Variants in KIFAP3 observed in about 807,000 individuals in gnomAD.
KIFAP3 encodes kinesin associated protein 3.
A neutral mutation model predicts 106.5 loss-of-function variants in KIFAP3; 68 were observed. The ratio of observed to expected loss-of-function variants is 0.64; its 90% CI spans 0.53 to 0.78. KIFAP3 has a LOEUF of 0.78. KIFAP3 is among the 30% of genes least tolerant of loss of function. The pLI, the probability that KIFAP3 is intolerant of heterozygous loss-of-function variation, is 0.00. For missense variants in KIFAP3, 780 were observed against 941.8 expected, an observed-to-expected ratio of 0.83 and a Z score of 2.25; for synonymous variants, 320 against 311.5, an observed-to-expected ratio of 1.03 and a Z score of -0.29.
At chr1:170,065,037 T>C (rs1671365936) in intron 1 of KIFAP3, among the ~76,000 whole-genome samples, 1 of 152,194 alleles carries the variant, frequency 6.6e-6, no homozygotes, top group South Asian at 2.1e-4. Flanking sequence ...GGAAGAGTTG[T>C]ACATAATTGG....
At chr1:169,976,966 G>A (rs1209978069) in intron 16 of KIFAP3, among the ~76,000 whole-genome samples, 2 of 151,972 alleles carry the variant, frequency 1.3e-5, no homozygotes, top group Non-Finnish European at 2.9e-5. Flanking sequence ...CTCAAGTGAT[G>A]CTCCCACCTC....
chr1:170,052,436 T>C (rs1354524662), intron 2 of KIFAP3, among the ~76,000 whole-genome samples: 1 of 152,190 alleles, frequency 6.6e-6, no homozygotes, highest in Non-Finnish European at 1.5e-5. Context: ...GGTACCATTA[T>C]TTCTGAAACT....
At chr1:170,041,196 C>G (rs16862985) in intron 3 of KIFAP3, among the ~76,000 whole-genome samples, 1 of 152,062 alleles carries the variant, frequency 6.6e-6, no homozygotes, top group African/African-American at 2.4e-5. Flanking sequence ...ATGTTAGATA[C>G]TGTATTCACA....
upstream of KIFAP3, chr1:170,074,836 G>A: frequency 1.1e-6 from 1 of 943,834 alleles, no homozygotes; most frequent in Non-Finnish European, 1.3e-6. Flanking sequence ...CCGTGTATAA[G>A]GAGTGGCTCC....
At chr1:170,065,608 C>G (rs1013029696) in intron 1 of KIFAP3, among the ~76,000 whole-genome samples, 2 of 112,696 alleles carry the variant, frequency 1.8e-5, no homozygotes, top group African/African-American at 7.3e-5. Context: ...AGCAAGACTC[C>G]ACCTCAAAAA....
At chr1:169,933,570 C>T (rs957882583) in intron 19 of KIFAP3, among the ~76,000 whole-genome samples, 2 of 152,050 alleles carry the variant, frequency 1.3e-5, no homozygotes, top group African/African-American at 2.4e-5. Flanking sequence ...CCTTTGGTCA[C>T]ACTTTGCATT....
rs768467470 is a variant in KIFAP3 at position 170,034,464 on chromosome 1, T to C, written c.650A>G (p.Tyr217Cys). 4.6e-6 allele frequency: 7 copies of C among 1,517,786 alleles called. No homozygotes were observed. The East Asian group carries it at 1.6e-4, about 35-fold the overall frequency. 94.0% of individuals were successfully genotyped at this position (1,517,786 alleles called of 1,614,324 possible). ...FSQFHGLITH[Y>C]KIGALCMNII... ...ATTCATACACAGAGCTCCAATTTTATAGTGAGTAATAAGTCCATGAAATTG... is the reference window on the plus strand; with the variant it reads ...ATTCATACACAGAGCTCCAATTTTACAGTGAGTAATAAGTCCATGAAATTG... The change falls in exon 7 of 20, where the codon TAT becomes TGT. Residue 217 changes from tyrosine to cysteine, a missense_variant. By Grantham distance (194) the Tyr-to-Cys change is radical. This residue lies in a region of KIFAP3 where 588 missense variants were observed against 678.9 expected (regional missense o/e 0.87). Coordinates refer to ENST00000361580, the MANE Select transcript of KIFAP3 (RefSeq NM_014970.4).
At chr1:170,031,257 C>T (rs1669394247) in intron 8 of KIFAP3, among the ~76,000 whole-genome samples, 2 of 151,690 alleles carry the variant, frequency 1.3e-5, no homozygotes, top group African/African-American at 4.8e-5. Context: ...AAAATTGCTA[C>T]TAATCTTCAC....
At chr1:170,067,171 T>C (rs1671488336) in intron 1 of KIFAP3, among the ~76,000 whole-genome samples, 1 of 152,008 alleles carries the variant, frequency 6.6e-6, no homozygotes, top group South Asian at 2.1e-4. Flanking sequence ...GACAAAAAGA[T>C]GTAAAACACA....
intron 1 of KIFAP3, among the ~76,000 whole-genome samples, chr1:170,069,194 T>G (rs1671586802): frequency 1.3e-5 from 2 of 152,038 alleles, no homozygotes; most frequent in African/African-American, 4.8e-5. Flanking sequence ...TGAACAGAAT[T>G]AGAAGTAAGG....
At chr1:170,069,581 G>A (rs1671601803) in intron 1 of KIFAP3, among the ~76,000 whole-genome samples, 2 of 152,040 alleles carry the variant, frequency 1.3e-5, no homozygotes, top group African/African-American at 2.4e-5. Flanking sequence ...TATCTCAATC[G>A]ATGCAGAAAA....
intron 1 of KIFAP3, among the ~76,000 whole-genome samples, chr1:170,070,125 C>T (rs999014594): frequency 6.6e-6 from 1 of 151,954 alleles, no homozygotes; most frequent in Non-Finnish European, 1.5e-5. Flanking sequence ...CAACTGTATA[C>T]TGAAAACAAA....
At chr1:170,001,942 A>G (rs1667689200) in intron 10 of KIFAP3, among the ~76,000 whole-genome samples, 1 of 152,180 alleles carries the variant, frequency 6.6e-6, no homozygotes, top group African/African-American at 2.4e-5. Flanking sequence ...ATATTAATAT[A>G]AAGTAAATAA....
intron 10 of KIFAP3, among the ~76,000 whole-genome samples, chr1:170,016,141 T>C (rs1481208068): frequency 6.6e-6 from 1 of 152,178 alleles, no homozygotes; most frequent in African/African-American, 2.4e-5. Flanking sequence ...CCTGCGTTGT[T>C]TTTTTTAAGA....
intron 19 of KIFAP3, among the ~76,000 whole-genome samples, chr1:169,932,467 A>G (rs1488372477): frequency 6.6e-6 from 1 of 152,160 alleles, no homozygotes. Context: ...GTGATAATGC[A>G]CTATTGAAAT....
intron 10 of KIFAP3, among the ~76,000 whole-genome samples, chr1:170,009,455 A>G (rs1156647686): frequency 6.6e-6 from 1 of 152,090 alleles, no homozygotes; most frequent in Admixed American, 6.6e-5. Context: ...AAACACTGCC[A>G]TCTGTCACTA....
At chr1:170,032,730 T>G (rs997921747) in intron 7 of KIFAP3, among the ~76,000 whole-genome samples, 2 of 151,702 alleles carry the variant, frequency 1.3e-5, no homozygotes, top group Admixed American at 1.3e-4. Context: ...ACCAGAATTC[T>G]GATGTCATTT....
Position 169,973,105 on chromosome 1 carries a change from G to GTGTGTATATATATATA in KIFAP3, c.1898-508_1898-507insTATATATATATACACA, listed in dbSNP as rs145406203. Among the ~76,000 whole-genome samples the GTGTGTATATATATATA allele has an allele frequency of 9.0e-4, 81 of 90,306 alleles. 3 individuals carry two copies. The highest frequency in any genetic ancestry group is 2.3e-3 in the South Asian group (5 of 2,148). The allele number at this position is 90,306 out of a possible 152,430, so 59.2% of individuals were successfully genotyped here. A position where few individuals can be genotyped will look rare whatever the true frequency, so the allele number is the denominator to read the frequency against. On this transcript the variant is annotated intron_variant, in intron 16 of 19. Transcript: ENST00000361580. ...ATAAAAATAATTTAAAAAATAGTGT[G>GTGTGTATATATATATA]TATATATATATATATATAAACAACA...
intron 10 of KIFAP3, among the ~76,000 whole-genome samples, chr1:170,008,441 C>T (rs1007188014): frequency 6.6e-6 from 1 of 151,452 alleles, no homozygotes; most frequent in African/African-American, 2.4e-5. Flanking sequence ...CAAACAACCC[C>T]ATCAAAAAGT....
Sources: allele counts gnomAD v4.1 joint callset (sites outside exome capture counted in the v4.1 genomes callset), GRCh38; gene constraint gnomAD v4.1.1; regional missense constraint gnomAD v4.1.1; transcripts MANE v1.5; gene names NCBI Gene and HGNC (gene_info 2026-07-23, HGNC 2026-07-21).